The following EMC2 variants were observed in gnomAD, a reference collection of about 807,000 sequenced individuals.
The protein encoded by EMC2 is ER membrane protein complex subunit 2.
A neutral mutation model predicts 51.6 loss-of-function variants in EMC2; 37 were observed. The ratio of observed to expected loss-of-function variants is 0.72; its 90% CI spans 0.55 to 0.94. The LOEUF is 0.94. Among genes scored for constraint, EMC2 ranks in the 40% least tolerant of loss-of-function variants. The probability of loss-of-function intolerance (pLI) is 0.00; values close to 1 mark genes in which losing one functional copy is unlikely to be tolerated. For missense variants in EMC2, 359 were observed against 350.9 expected (o/e 1.02, Z -0.18); for synonymous variants, 131 against 112.4 (o/e 1.17, Z -1.04).
chr8:108,454,067 T>C (rs1819095909), intron 4 of EMC2, among the ~76,000 whole-genome samples: 1 of 152,116 alleles, frequency 6.6e-6, no homozygotes, highest in Non-Finnish European at 1.5e-5. Context: ...CAGCATATCT[T>C]TCTCCATCCC....
chr8:108,460,034 CTTAT>C (rs771880522), intron 5 of EMC2, among the ~76,000 whole-genome samples: 69 of 152,122 alleles, frequency 4.5e-4, no homozygotes, highest in Middle Eastern at 3.4e-3. Context: ...TTCTCCTGTA[CTTAT>C]TTCTTATTCT....
At chr8:108,454,343 T>C (rs1453790402) in intron 4 of EMC2, among the ~76,000 whole-genome samples, 1 of 152,078 alleles carries the variant, frequency 6.6e-6, no homozygotes, top group Non-Finnish European at 1.5e-5. Context: ...GAATTTCGTA[T>C]TTTCTCTCTC....
At chr8:108,447,699 C>A (rs1204394202) in intron 1 of EMC2, among the ~76,000 whole-genome samples, 1 of 152,096 alleles carries the variant, frequency 6.6e-6, no homozygotes, top group African/African-American at 2.4e-5. Flanking sequence ...ACTCTCTTAA[C>A]CTTTGACCTT....
At chr8:108,445,065 T>C (rs1451902581) in intron 1 of EMC2, among the ~76,000 whole-genome samples, 1 of 152,212 alleles carries the variant, frequency 6.6e-6, no homozygotes, top group Non-Finnish European at 1.5e-5. Context: ...GTAGCATATA[T>C]AAAATCCTGA....
intron 10 of EMC2, among the ~76,000 whole-genome samples, chr8:108,486,156 C>T (rs543119670): frequency 1.3e-5 from 2 of 151,876 alleles, no homozygotes; most frequent in South Asian, 2.1e-4. Flanking sequence ...CACACTGCTA[C>T]ACTACATAAA....
At chr8:108,463,832 T>C (rs1349656005) in intron 5 of EMC2, among the ~76,000 whole-genome samples, 1 of 151,980 alleles carries the variant, frequency 6.6e-6, no homozygotes, top group Non-Finnish European at 1.5e-5. Flanking sequence ...CTAAATCTTA[T>C]TGCTTAAAAT....
intron 3 of EMC2, among the ~76,000 whole-genome samples, chr8:108,452,283 T>C (rs1563691546): frequency 6.6e-6 from 1 of 152,178 alleles, no homozygotes; most frequent in East Asian, 1.9e-4. Context: ...GGATGATTGA[T>C]TGGCTGGGTG....
intron 5 of EMC2, among the ~76,000 whole-genome samples, chr8:108,459,721 A>AGAGAGAGAGT (rs763020311): frequency 0.014 from 1,957 of 136,892 alleles, 32 homozygotes; most frequent in African/African-American, 0.044. Context: ...AGAGAGAGAG[A>AGAGAGAGAGT]GTGTGTGTGT....
intron 5 of EMC2, among the ~76,000 whole-genome samples, chr8:108,459,399 A>G (rs1460084869): frequency 6.6e-6 from 1 of 152,184 alleles, no homozygotes; most frequent in African/African-American, 2.4e-5. Flanking sequence ...GCAATTTACA[A>G]AAGAATAAGG....
intron 5 of EMC2, among the ~76,000 whole-genome samples, chr8:108,460,274 A>G (rs1819285255): frequency 6.6e-6 from 1 of 152,226 alleles, no homozygotes; most frequent in Admixed American, 6.5e-5. Flanking sequence ...ACTTCTTCAG[A>G]CTATAAGATA....
intron 5 of EMC2, among the ~76,000 whole-genome samples, chr8:108,460,375 A>T (rs1432087372): frequency 2.6e-5 from 4 of 152,206 alleles, no homozygotes; most frequent in African/African-American, 9.7e-5. Context: ...GAGAAATCCA[A>T]ATGGTTCCCC....
At chr8:108,452,879 C>G (rs189788201) in intron 3 of EMC2, among the ~76,000 whole-genome samples, 183 bp from the exon 4 acceptor site, 2 of 152,128 alleles carry the variant, frequency 1.3e-5, no homozygotes, top group Admixed American at 6.5e-5. Flanking sequence ...CTGATTGTTG[C>G]CTTCACTGTA....
In EMC2 at chr8:108,455,895, T is replaced by C. The variant is rs1819140626; in HGVS notation, c.328T>C (p.Tyr110His). The C allele has an allele frequency of 7.4e-7, 1 of 1,347,760 alleles. No homozygotes were observed. The highest frequency in any genetic ancestry group is 1.4e-5 in the South Asian group (1 of 70,858). The allele number at this position is 1,347,760 out of a possible 1,614,324, so 83.5% of individuals were successfully genotyped here. A position where few individuals can be genotyped will look rare whatever the true frequency, so the allele number is the denominator to read the frequency against. ...TAGATATGATGATGCTATACAGCTATATGATAGGATTTTACAAGAAGATCC... is the reference window on the plus strand; with the variant it reads ...TAGATATGATGATGCTATACAGCTACATGATAGGATTTTACAAGAAGATCC... Reference protein sequence around the residue: ...MERYDDAIQLYDRILQEDPTN... With the variant: ...MERYDDAIQLHDRILQEDPTN... Residue 110 changes from tyrosine (Y) to histidine (H), a missense_variant, in exon 5 of 11, where the codon TAT becomes CAT. Physicochemically the swap from Tyr to His is moderately conservative, Grantham distance 83. Coordinates refer to ENST00000220853, the MANE Select transcript of EMC2 (RefSeq NM_014673.5).
chr8:108,445,599 GA>G lies in EMC2; in HGVS notation c.40+1911del, dbSNP rs1169153672. 1.7e-3 allele frequency among the ~76,000 whole-genome samples: 241 copies of G among 139,500 alleles called. 1 individual carries two copies. Among genetic ancestry groups the G allele is most frequent in the African/African-American group, 6.0e-3 (225 of 37,652 alleles). 91.5% of individuals were successfully genotyped at this position (139,500 alleles called of 152,430 possible). A position where few individuals can be genotyped will look rare whatever the true frequency, so the allele number is the denominator to read the frequency against. The stretch of plus-strand genomic sequence containing the variant: ...CCTTTCCTCATCCCCCACCAAAATT[GA>G]AAAAAAAAACCCAAACAATAAAATG... On this transcript the variant is annotated intron_variant, in intron 1 of 10. Coordinates refer to ENST00000220853, the MANE Select transcript of EMC2 (RefSeq NM_014673.5).
At chr8:108,452,941 C>T in intron 3 of EMC2, 121 bp from the exon 4 acceptor site, 1 of 464,514 alleles carries the variant, frequency 2.2e-6, no homozygotes, top group Non-Finnish European at 3.9e-6. Context: ...AATTTCACTT[C>T]ATGTTATTAG....
intron 5 of EMC2, among the ~76,000 whole-genome samples, chr8:108,462,061 C>T (rs769157699): frequency 1.3e-5 from 2 of 152,174 alleles, no homozygotes; most frequent in Admixed American, 6.5e-5. Flanking sequence ...CCTGCCTCAG[C>T]CTCTCAAAGT....
chr8:108,470,409 C>T (rs1425448279), intron 7 of EMC2, among the ~76,000 whole-genome samples: 2 of 152,110 alleles, frequency 1.3e-5, no homozygotes, highest in South Asian at 2.1e-4. Flanking sequence ...AAAAGGCCTG[C>T]ATTTGCTAAG....
intron 5 of EMC2, among the ~76,000 whole-genome samples, chr8:108,466,070 A>G (rs1355833544): frequency 1.3e-5 from 2 of 152,186 alleles, no homozygotes; most frequent in Non-Finnish European, 1.5e-5. Flanking sequence ...TATCCCATTA[A>G]TTGTCATCAT....
At chr8:108,466,804 G>A (rs1253429377) in intron 5 of EMC2, among the ~76,000 whole-genome samples, 1 of 152,088 alleles carries the variant, frequency 6.6e-6, no homozygotes, top group Non-Finnish European at 1.5e-5. Flanking sequence ...ATGAGACCCA[G>A]AAGCCACAAG....
Sources: allele counts gnomAD v4.1 joint callset (sites outside exome capture counted in the v4.1 genomes callset), GRCh38; gene constraint gnomAD v4.1.1; transcripts MANE v1.5; gene names NCBI Gene and HGNC (gene_info 2026-07-23, HGNC 2026-07-21).